The following RPL39L variants were observed in gnomAD, a reference collection of about 807,000 sequenced individuals.
RPL39L encodes ribosomal protein L39 like, also known as ribosomal protein eL39-like 2.
For synonymous variants in RPL39L, 16 were observed against 20.1 expected (o/e 0.80, Z 0.55); for missense variants, 48 against 58.9 (o/e 0.81, Z 0.61).
chr3:187,136,472 G>C (rs146861111), intron 1 of RPL39L, among the ~76,000 whole-genome samples: 1 of 152,216 alleles, frequency 6.6e-6, no homozygotes. Context: ...CAACAGCTGA[G>C]GGAAGTTTGA....
chr3:187,130,734 C>CA (rs1277453238), intron 1 of RPL39L, among the ~76,000 whole-genome samples: 1 of 152,200 alleles, frequency 6.6e-6, no homozygotes, highest in African/African-American at 2.4e-5. Context: ...AACACATTCT[C>CA]AATCATTTGA....
chr3:187,128,536 G>C (rs953498799), intron 1 of RPL39L, among the ~76,000 whole-genome samples: 1 of 151,958 alleles, frequency 6.6e-6, no homozygotes, highest in African/African-American at 2.4e-5. Flanking sequence ...TTGAGACAGG[G>C]TCTCATTCTG....
chr3:187,133,918 G>A (rs13085751), intron 1 of RPL39L, among the ~76,000 whole-genome samples: 30,339 of 151,924 alleles, frequency 0.2, 3,415 homozygotes, highest in Non-Finnish European at 0.21. Flanking sequence ...GAAAAAGCAT[G>A]CTTATTTTGG....
intron 1 of RPL39L, among the ~76,000 whole-genome samples, chr3:187,137,915 G>A (rs1220960504): frequency 6.6e-6 from 1 of 152,062 alleles, no homozygotes; most frequent in Non-Finnish European, 1.5e-5. Context: ...CACATTTCAA[G>A]TGCTGAATAG....
intron 2 of RPL39L, among the ~76,000 whole-genome samples, chr3:187,125,870 G>A (rs1351796807): frequency 1.3e-5 from 2 of 152,212 alleles, no homozygotes; most frequent in Non-Finnish European, 2.9e-5. Flanking sequence ...AAATCGTGAA[G>A]TGGATCTGTA....
intron 2 of RPL39L, among the ~76,000 whole-genome samples, chr3:187,124,193 A>C (rs1720359456): frequency 6.6e-6 from 1 of 152,184 alleles, no homozygotes; most frequent in African/African-American, 2.4e-5. Flanking sequence ...TGAATTACAT[A>C]CCTCTGGCTA....
At chr3:187,122,991 T>G (rs1720338115) in intron 2 of RPL39L, among the ~76,000 whole-genome samples, 1 of 152,096 alleles carries the variant, frequency 6.6e-6, no homozygotes, top group African/African-American at 2.4e-5. Flanking sequence ...GTCTAGGTAT[T>G]GAAAAATGGG....
intron 2 of RPL39L, among the ~76,000 whole-genome samples, chr3:187,121,698 G>T (rs1720312187): frequency 6.6e-6 from 1 of 152,068 alleles, no homozygotes; most frequent in African/African-American, 2.4e-5. Context: ...AAAAATTAAA[G>T]CAATAGAACA....
At chr3:187,123,248 A>G (rs1311397796) in intron 2 of RPL39L, among the ~76,000 whole-genome samples, 1 of 152,172 alleles carries the variant, frequency 6.6e-6, no homozygotes, top group East Asian at 1.9e-4. Context: ...AAGTTGGGGT[A>G]TAGTGTGGGG....
rs984660328 is a variant in RPL39L, at chr3:187,138,093, T to G, written c.-93+1120A>C. Among the ~76,000 whole-genome samples the G allele has an allele frequency of 2.6e-5, 4 of 152,242 alleles. No homozygotes were observed. The South Asian group carries it at 8.3e-4, about 32-fold the overall frequency. On this transcript the variant is annotated intron_variant, in intron 1 of 2. Coordinates refer to ENST00000296277, the MANE Select transcript of RPL39L (RefSeq NM_052969.3). ...TCTCAGTTAATAGAAGCATCCGTCCTGTCTCTTGATGTCCTAGTGACTAAA... is the reference window on the plus strand; with the variant it reads ...TCTCAGTTAATAGAAGCATCCGTCCGGTCTCTTGATGTCCTAGTGACTAAA...
intron 2 of RPL39L, 33 bp from the exon 3 acceptor site, chr3:187,121,361 C>T (rs1003856417): frequency 1.3e-6 from 2 of 1,562,722 alleles, no homozygotes; most frequent in African/African-American, 1.4e-5. Context: ...GAGACAGAGA[C>T]AATATTACCA....
At chr3:187,130,945 T>G (rs1375275362) in intron 1 of RPL39L, among the ~76,000 whole-genome samples, 1 of 152,218 alleles carries the variant, frequency 6.6e-6, no homozygotes, top group African/African-American at 2.4e-5. Flanking sequence ...ACTGTCTCTG[T>G]ATTTCATGCT....
rs1192092227 is a variant in RPL39L, at chr3:187,139,446, G to C, written c.-326C>G. On this transcript the variant is annotated 5_prime_UTR_variant, in exon 1 of 3. Coordinates refer to ENST00000296277, the MANE Select transcript of RPL39L (RefSeq NM_052969.3). ...CCCCACCTGGCGTTCGGAGGCGGTT[G>C]CCTCGCTGGGCGCAGCAATTCAACC... 2 of 152,210 alleles carry C rather than the reference G, an allele frequency of 1.3e-5. No homozygotes were observed. The highest frequency in any genetic ancestry group is 6.5e-5 in the Admixed American group (1 of 15,286). The allele number at this position is 152,210 out of a possible 1,614,324, so 9.4% of individuals were successfully genotyped here. A position where few individuals can be genotyped will look rare whatever the true frequency, so the allele number is the denominator to read the frequency against.
chr3:187,136,325 T>C (rs547668675), intron 1 of RPL39L, among the ~76,000 whole-genome samples: 1 of 152,162 alleles, frequency 6.6e-6, no homozygotes, highest in Non-Finnish European at 1.5e-5. Flanking sequence ...GGAGTGAAGG[T>C]TGGTGAGGTG....
At chr3:187,131,059 C>A (rs1254672978) in intron 1 of RPL39L, among the ~76,000 whole-genome samples, 1 of 152,208 alleles carries the variant, frequency 6.6e-6, no homozygotes, top group African/African-American at 2.4e-5. Context: ...TGGCACATGA[C>A]CTAAAATCAA....
At chr3:187,126,342 T>C (rs1720397922) in intron 2 of RPL39L, among the ~76,000 whole-genome samples, 1 of 152,014 alleles carries the variant, frequency 6.6e-6, no homozygotes, top group Admixed American at 6.6e-5. Context: ...TTTTATATTT[T>C]TTGTAGAGAT....
chr3:187,135,488 CATG>C (rs1428541955), intron 1 of RPL39L, among the ~76,000 whole-genome samples: 1 of 152,176 alleles, frequency 6.6e-6, no homozygotes, highest in Non-Finnish European at 1.5e-5. Context: ...TGCTGTCATC[CATG>C]TAAGATGTGA....
At chr3:187,133,123 G>T (rs1360002963) in intron 1 of RPL39L, among the ~76,000 whole-genome samples, 3 of 152,138 alleles carry the variant, frequency 2.0e-5, no homozygotes, top group African/African-American at 7.2e-5. Context: ...ATCTCTACTG[G>T]GTACTGATGG....
At chr3:187,124,392 G>A (rs12485843) in intron 2 of RPL39L, among the ~76,000 whole-genome samples, 13,880 of 152,186 alleles carry the variant, frequency 0.091, 895 homozygotes, top group Non-Finnish European at 0.13. Flanking sequence ...GATCATAAAT[G>A]GAAGGCCTGC....
Sources: allele counts gnomAD v4.1 joint callset (sites outside exome capture counted in the v4.1 genomes callset), GRCh38; gene constraint gnomAD v4.1.1; transcripts MANE v1.5; gene names NCBI Gene and HGNC (gene_info 2026-07-23, HGNC 2026-07-21).